Variants in TTC27 observed in about 807,000 individuals in gnomAD.
The protein encoded by TTC27 is tetratricopeptide repeat domain 27.
Under a neutral mutation model 115.9 loss-of-function variants are expected in TTC27, and 79 were observed. That is an observed-to-expected ratio of 0.68 (90% confidence interval 0.57 to 0.82). The LOEUF is 0.82. Among genes scored for constraint, TTC27 ranks in the 40% least tolerant of loss-of-function variants. The pLI is 0.00. For synonymous variants in TTC27, 401 were observed against 356.0 expected (o/e 1.13, Z -1.42); for missense variants, 1,054 against 993.1 (o/e 1.06, Z -0.82).
At chr2:32,746,978 A>G (rs1668854766) in intron 12 of TTC27, among the ~76,000 whole-genome samples, 1 of 152,358 alleles carries the variant, frequency 6.6e-6, no homozygotes, top group Admixed American at 6.5e-5. Context: ...AATGTGGGAT[A>G]GAATTTGAGG....
intron 5 of TTC27, among the ~76,000 whole-genome samples, chr2:32,654,384 G>C (rs1665241574): frequency 6.6e-6 from 1 of 152,030 alleles, no homozygotes; most frequent in African/African-American, 2.4e-5. Context: ...TGGATATAGT[G>C]TGCCTTTTAA....
chr2:32,674,277 A>C (rs1403596506), intron 8 of TTC27, among the ~76,000 whole-genome samples: 2 of 151,656 alleles, frequency 1.3e-5, no homozygotes, highest in Non-Finnish European at 2.9e-5. Flanking sequence ...CAGCCTCCCA[A>C]GTAGCTAGGA....
At chr2:32,641,936 A>G (rs910056366) in intron 4 of TTC27, among the ~76,000 whole-genome samples, 7 of 152,172 alleles carry the variant, frequency 4.6e-5, no homozygotes, top group Non-Finnish European at 1.0e-4. Context: ...ACTCACTGCA[A>G]GCTCCACCTC....
intron 12 of TTC27, among the ~76,000 whole-genome samples, chr2:32,751,258 C>CCACACACACACACACACACACA (rs56183534): frequency 7.1e-6 from 1 of 140,754 alleles, no homozygotes; most frequent in Non-Finnish European, 1.5e-5. Context: ...GTAGGTTAAA[C>CCACACACACACACACACACACA]CACACACACA....
chr2:32,706,862 C>T (rs1186875648), intron 10 of TTC27, among the ~76,000 whole-genome samples: 1 of 152,208 alleles, frequency 6.6e-6, no homozygotes, highest in Non-Finnish European at 1.5e-5. Flanking sequence ...TGCGCCTGGC[C>T]CCCTTCTTTA....
At chr2:32,692,133 G>A (rs1449666722) in intron 9 of TTC27, among the ~76,000 whole-genome samples, 1 of 129,832 alleles carries the variant, frequency 7.7e-6, no homozygotes, top group East Asian at 2.5e-4. Flanking sequence ...TGCCCATCTC[G>A]GCCTCCCAAA....
At chr2:32,668,384 A>G (rs1275092903) in intron 7 of TTC27, among the ~76,000 whole-genome samples, 1 of 151,902 alleles carries the variant, frequency 6.6e-6, no homozygotes, top group Admixed American at 6.6e-5. Flanking sequence ...TTGAAAAAAA[A>G]AAAAAAGAAA....
At chr2:32,699,118 C>T (rs1349315692) in intron 9 of TTC27, among the ~76,000 whole-genome samples, 2 of 152,142 alleles carry the variant, frequency 1.3e-5, no homozygotes, top group Non-Finnish European at 2.9e-5. Flanking sequence ...TCTTTTTATC[C>T]CTTTCTTGCA....
At chr2:32,798,816 A>G (rs1017433544) in intron 16 of TTC27, among the ~76,000 whole-genome samples, 1 of 152,156 alleles carries the variant, frequency 6.6e-6, no homozygotes, top group Admixed American at 6.5e-5. Flanking sequence ...GCTGCTGTGG[A>G]AAACAGTATG....
chr2:32,687,191 A>G (rs1666661891), intron 9 of TTC27, among the ~76,000 whole-genome samples: 1 of 152,194 alleles, frequency 6.6e-6, no homozygotes, highest in Non-Finnish European at 1.5e-5. Flanking sequence ...AAGGGTGAAC[A>G]AGTGATCCTA....
intron 2 of TTC27, among the ~76,000 whole-genome samples, chr2:32,632,585 T>C (rs1207907448): frequency 6.6e-6 from 1 of 152,192 alleles, no homozygotes; most frequent in Admixed American, 6.5e-5. Context: ...GCATACCAGC[T>C]CTTTTGTTAT....
chr2:32,681,978 ATATGTGTGTGTGTGTGTGTGTGTGTG>A (rs1339777645), intron 9 of TTC27, among the ~76,000 whole-genome samples: 4 of 137,888 alleles, frequency 2.9e-5, no homozygotes, highest in East Asian at 4.1e-4. Flanking sequence ...ATATGTATAT[ATATGTGTGTGTGTGTGTGTGTGTGTG>A]TGTGTGTGTG....
chr2:32,763,386 T>C (rs1251160718), intron 13 of TTC27, among the ~76,000 whole-genome samples: 1 of 152,228 alleles, frequency 6.6e-6, no homozygotes, highest in Non-Finnish European at 1.5e-5. Context: ...AATTCTATCC[T>C]CTTTTTTAGA....
At chr2:32,698,779 C>T (rs1035765748) in intron 9 of TTC27, among the ~76,000 whole-genome samples, 3 of 152,106 alleles carry the variant, frequency 2.0e-5, no homozygotes, top group African/African-American at 7.2e-5. Flanking sequence ...TGCGCCCGGC[C>T]AAGGAACGTG....
intron 13 of TTC27, among the ~76,000 whole-genome samples, chr2:32,762,068 C>T (rs1669454533): frequency 6.6e-6 from 1 of 152,050 alleles, no homozygotes; most frequent in South Asian, 2.1e-4. Flanking sequence ...CAATATGATG[C>T]AACAAAGAAA....
At chr2:32,669,622 C>T (rs997466653) in intron 7 of TTC27, among the ~76,000 whole-genome samples, 4 of 152,016 alleles carry the variant, frequency 2.6e-5, no homozygotes, top group Non-Finnish European at 5.9e-5. Context: ...TGGTGGCTCA[C>T]GCCTGTAGTC....
intron 13 of TTC27, among the ~76,000 whole-genome samples, chr2:32,759,525 A>G (rs1669361207): frequency 6.6e-6 from 1 of 152,188 alleles, no homozygotes; most frequent in African/African-American, 2.4e-5. Flanking sequence ...TGGGAGGCCA[A>G]GGGATTAATT....
At chr2:32,809,394 G>T (rs1327140070) in intron 16 of TTC27, among the ~76,000 whole-genome samples, 16 of 152,200 alleles carry the variant, frequency 1.1e-4, no homozygotes, top group Non-Finnish European at 2.4e-4. Flanking sequence ...GCAGTTCACG[G>T]TAAAATTAAA....
chr2:32,633,184 G>A (rs1004909493), intron 2 of TTC27, among the ~76,000 whole-genome samples: 1 of 152,150 alleles, frequency 6.6e-6, no homozygotes, highest in African/African-American at 2.4e-5. Flanking sequence ...ACTTATAGAT[G>A]TCTGATCAGA....
Sources: allele counts gnomAD v4.1 joint callset (sites outside exome capture counted in the v4.1 genomes callset), GRCh38; gene constraint gnomAD v4.1.1; transcripts MANE v1.5; gene names NCBI Gene and HGNC (gene_info 2026-07-23, HGNC 2026-07-21).